The following SLC5A4 variants were observed in gnomAD, a reference collection of about 807,000 sequenced individuals.
SLC5A4 encodes solute carrier family 5 member 4.
In SLC5A4, 55 loss-of-function variants were observed where a neutral mutation model predicts 70.3. The observed-to-expected ratio is 0.78, with a 90% CI of 0.63 to 0.98. The LOEUF (loss-of-function observed/expected upper bound fraction) is 0.98, where lower values mean the gene tolerates loss of function less well. Among genes scored for constraint, SLC5A4 ranks in the 50% least tolerant of loss-of-function variants. SLC5A4 has a pLI of 0.00. For synonymous variants in SLC5A4, 268 were observed against 305.7 expected (o/e 0.88, Z 1.29); for missense variants, 735 against 839.2 (o/e 0.88, Z 1.53).
At chr22:32,343,938 C>G in the SLC5A4 span, among the ~76,000 whole-genome samples, 3 of 152,160 alleles carry the variant, frequency 2.0e-5, no homozygotes, top group African/African-American at 7.2e-5. Context: ...GTGTATATCT[C>G]CACCCACATC....
At chr22:32,342,815 G>C in the SLC5A4 span, among the ~76,000 whole-genome samples, 2 of 152,156 alleles carry the variant, frequency 1.3e-5, no homozygotes, top group Non-Finnish European at 1.5e-5. Flanking sequence ...TTCAAAATTA[G>C]AGTCAAAAAA....
chr22:32,305,716 C>G, the SLC5A4 span, among the ~76,000 whole-genome samples: 1 of 129,806 alleles, frequency 7.7e-6, no homozygotes, highest in Non-Finnish European at 1.6e-5. Context: ...TTCAGGAGCA[C>G]GGTGCTCATT....
the SLC5A4 span, among the ~76,000 whole-genome samples, chr22:32,265,371 G>C: frequency 1.3e-5 from 2 of 151,944 alleles, no homozygotes; most frequent in Admixed American, 1.3e-4. Context: ...CTGGGCAACA[G>C]AGCAAGACCC....
intron 14 of SLC5A4, among the ~76,000 whole-genome samples, chr22:32,220,116 T>C (rs1924993954): frequency 6.6e-6 from 1 of 152,120 alleles, no homozygotes; most frequent in African/African-American, 2.4e-5. Flanking sequence ...ATTATTTCAA[T>C]CTTATTGAAA....
At chr22:32,319,880 C>T in the SLC5A4 span, among the ~76,000 whole-genome samples, 2 of 152,154 alleles carry the variant, frequency 1.3e-5, no homozygotes, top group African/African-American at 2.4e-5. Flanking sequence ...ACTATATCCC[C>T]AGGGCCAATA....
chr22:32,278,030 G>A, the SLC5A4 span, among the ~76,000 whole-genome samples: 1 of 152,286 alleles, frequency 6.6e-6, no homozygotes, highest in South Asian at 2.1e-4. Flanking sequence ...TTTGGTGAAA[G>A]AAAGAGGTTT....
At chr22:32,326,360 G>A in the SLC5A4 span, among the ~76,000 whole-genome samples, 3 of 151,380 alleles carry the variant, frequency 2.0e-5, no homozygotes, top group African/African-American at 7.3e-5. Flanking sequence ...GAGTTCAAGC[G>A]ATTCTCCTGC....
At chr22:32,344,928 T>G in the SLC5A4 span, among the ~76,000 whole-genome samples, 1 of 152,204 alleles carries the variant, frequency 6.6e-6, no homozygotes, top group African/African-American at 2.4e-5. Flanking sequence ...TCCTCCCATT[T>G]CACAAAGTAT....
intron 3 of SLC5A4, among the ~76,000 whole-genome samples, chr22:32,251,345 T>A (rs5994512): frequency 2.6e-5 from 4 of 151,810 alleles, no homozygotes; most frequent in Admixed American, 6.6e-5. Context: ...GTGATTAGGT[T>A]ATGAGGGCTC....
chr22:32,226,059 CT>C (rs1925379486), intron 11 of SLC5A4, among the ~76,000 whole-genome samples: 1 of 152,140 alleles, frequency 6.6e-6, no homozygotes, highest in Non-Finnish European at 1.5e-5. Flanking sequence ...GATTAAATAT[CT>C]ATTCATAAAA....
At chr22:32,324,770 C>T in the SLC5A4 span, among the ~76,000 whole-genome samples, 25,410 of 152,244 alleles carry the variant, frequency 0.17, 2,609 homozygotes, top group Admixed American at 0.23. Flanking sequence ...TAGGCACCCA[C>T]CTAATACCAC....
intron 13 of SLC5A4, among the ~76,000 whole-genome samples, chr22:32,223,431 C>A (rs983736303): frequency 6.6e-6 from 1 of 152,172 alleles, no homozygotes; most frequent in Non-Finnish European, 1.5e-5. Context: ...AATTTTCCCA[C>A]AACACTAATA....
chr22:32,335,872 G>A, the SLC5A4 span, among the ~76,000 whole-genome samples: 9 of 152,320 alleles, frequency 5.9e-5, no homozygotes, highest in African/African-American at 1.9e-4. Context: ...TGCTTAGGAG[G>A]AGCAGGGAGC....
At chr22:32,333,536 C>A in the SLC5A4 span, among the ~76,000 whole-genome samples, 2 of 152,052 alleles carry the variant, frequency 1.3e-5, no homozygotes, top group Non-Finnish European at 2.9e-5. Context: ...TCCTTTACCT[C>A]CAAGGCTGTG....
chr22:32,259,075 G>T (rs1927623089), upstream of SLC5A4, among the ~76,000 whole-genome samples: 1 of 152,202 alleles, frequency 6.6e-6, no homozygotes, highest in Admixed American at 6.5e-5. Flanking sequence ...ATGTGGGGAG[G>T]TAAATGGAGA....
the SLC5A4 span, among the ~76,000 whole-genome samples, chr22:32,311,891 G>C: frequency 1.3e-5 from 2 of 152,202 alleles, no homozygotes; most frequent in Non-Finnish European, 2.9e-5. Flanking sequence ...GTCATGTCCA[G>C]GGAGTTGGAG....
chr22:32,291,409 C>G, the SLC5A4 span, among the ~76,000 whole-genome samples: 6 of 151,940 alleles, frequency 3.9e-5, no homozygotes, highest in Non-Finnish European at 5.9e-5. Flanking sequence ...GAACTCCTGA[C>G]CTCGTGATCC....
chr22:32,330,964 TGG>T, the SLC5A4 span, among the ~76,000 whole-genome samples: 6 of 2,182 alleles, frequency 2.7e-3, no homozygotes, highest in East Asian at 0.02. Flanking sequence ...GTGTGTGTGT[TGG>T]GGGCACTGGT....
Position 32,246,471 on chromosome 22 carries a change from T to C in SLC5A4, c.477+940A>G, listed in dbSNP as rs185418786. Reference sequence around the variant, plus strand: ...TGTTTTTTACATGTGCTGCTGAATCTTCATATTCCTTCCTTCTTTCCTCAC... The same window carrying C: ...TGTTTTTTACATGTGCTGCTGAATCCTCATATTCCTTCCTTCTTTCCTCAC... On this transcript the variant is annotated intron_variant, in intron 5 of 14. Transcript: ENST00000266086. Among the ~76,000 whole-genome samples, 4 of 152,330 alleles carry C rather than the reference T, an allele frequency of 2.6e-5. No individual in the cohort carries two copies. In the East Asian group the frequency reaches 7.7e-4, roughly 29 times the overall value.
Sources: allele counts gnomAD v4.1 joint callset (sites outside exome capture counted in the v4.1 genomes callset), GRCh38; gene constraint gnomAD v4.1.1; transcripts MANE v1.5; gene names NCBI Gene and HGNC (gene_info 2026-07-23, HGNC 2026-07-21).